NCAM2: variants seen among roughly 807,000 people sequenced by gnomAD.
The protein encoded by NCAM2 is neural cell adhesion molecule 2.
In NCAM2, 30 loss-of-function variants were observed where a neutral mutation model predicts 98.1. That is an observed-to-expected ratio of 0.31 (90% CI 0.23 to 0.41). The LOEUF (loss-of-function observed/expected upper bound fraction) is 0.41. Among genes scored for constraint, NCAM2 ranks in the 10% least tolerant of loss-of-function variants. The pLI is 1.00. For synonymous variants in NCAM2, 368 were observed against 342.4 expected (o/e 1.07, Z -0.83); for missense variants, 867 against 1,005.8 (o/e 0.86, Z 1.87).
chr21:21,156,222 A>AT (rs145763207), intron 1 of NCAM2, among the ~76,000 whole-genome samples: 9,307 of 152,096 alleles, frequency 0.061, 313 homozygotes, highest in Admixed American at 0.068. Flanking sequence ...AGAATGAAGC[A>AT]TTTTTTGTTT....
chr21:21,365,533 A>G (rs1271671199), intron 8 of NCAM2, among the ~76,000 whole-genome samples: 1 of 152,012 alleles, frequency 6.6e-6, no homozygotes, highest in Admixed American at 6.6e-5. Context: ...AAATCGTGGC[A>G]TATGCAAGGT....
rs544918814 is a variant in NCAM2, at chr21:21,420,504, C to T, written c.1480+1935C>T. On this transcript the variant is annotated intron_variant, in intron 11 of 17. Transcript: ENST00000400546. The stretch of plus-strand genomic sequence containing the variant: ...TATTGTAATATTATATTTTAACAGA[C>T]TTAAAAGCATCTGTAAAGAAATTTT... 2.9e-3 allele frequency among the ~76,000 whole-genome samples: 443 copies of T among 151,942 alleles called. 5 individuals carry two copies. The highest frequency in any genetic ancestry group is 0.01 in the African/African-American group (421 of 41,508).
rs552736386 is a variant in NCAM2, at chr21:21,316,823, C to T, written c.620-7560C>T. The stretch of plus-strand genomic sequence containing the variant: ...CCTCCCAAAGTGCTGGGATTACAGG[C>T]GTTAGCCACCGCGCCCGGCCATATT... On this transcript the variant is annotated intron_variant, in intron 5 of 17. Transcript: ENST00000400546. Among the ~76,000 whole-genome samples the T allele has an allele frequency of 3.3e-5, 5 of 152,184 alleles. No homozygotes were observed. In the South Asian group the frequency reaches 6.2e-4, roughly 19 times the overall value.
chr21:21,156,258 A>T (rs1776498129), intron 1 of NCAM2, among the ~76,000 whole-genome samples: 2 of 152,058 alleles, frequency 1.3e-5, no homozygotes, highest in Admixed American at 1.3e-4. Flanking sequence ...AACAAACAAA[A>T]ATAAAGTGAA....
At chr21:21,352,826 TA>T (rs377003114) in intron 8 of NCAM2, among the ~76,000 whole-genome samples, 39,675 of 135,002 alleles carry the variant, frequency 0.29, 5,560 homozygotes, top group Admixed American at 0.34. Flanking sequence ...ATTAGAAAAT[TA>T]AAAAAAAAAA....
intron 1 of NCAM2, among the ~76,000 whole-genome samples, chr21:21,264,131 C>CT (rs1263390003): frequency 6.6e-6 from 1 of 152,012 alleles, no homozygotes; most frequent in Non-Finnish European, 1.5e-5. Context: ...CTATAGGGAA[C>CT]TTAAACAAAT....
At chr21:21,049,091 T>G (rs926602359) in intron 1 of NCAM2, among the ~76,000 whole-genome samples, 21 of 143,020 alleles carry the variant, frequency 1.5e-4, no homozygotes, top group Non-Finnish European at 3.2e-4. Flanking sequence ...CAATCTCGGC[T>G]CACTGCAAGC....
intron 1 of NCAM2, among the ~76,000 whole-genome samples, chr21:21,156,150 A>G (rs1380628916): frequency 6.6e-6 from 1 of 152,066 alleles, no homozygotes; most frequent in African/African-American, 2.4e-5. Context: ...CAAGAATGTC[A>G]AAATAAAAGA....
intron 9 of NCAM2, among the ~76,000 whole-genome samples, chr21:21,396,466 A>C (rs2076509224): frequency 6.6e-6 from 1 of 152,250 alleles, no homozygotes; most frequent in East Asian, 1.9e-4. Flanking sequence ...CCAGCCAGAA[A>C]CTTCTGTGGC....
chr21:21,360,155 A>G (rs192076581), intron 8 of NCAM2, among the ~76,000 whole-genome samples: 37 of 152,078 alleles, frequency 2.4e-4, no homozygotes, highest in Non-Finnish European at 2.7e-4. Context: ...TGCTTTCACA[A>G]TAATTAATTA....
intron 9 of NCAM2, among the ~76,000 whole-genome samples, chr21:21,378,230 G>A (rs2076075608): frequency 6.6e-6 from 1 of 151,482 alleles, no homozygotes; most frequent in Non-Finnish European, 1.5e-5. Flanking sequence ...GAATTATAAG[G>A]TGGCTCTCAT....
chr21:21,338,700 C>T (rs536565911), intron 8 of NCAM2, among the ~76,000 whole-genome samples, 166 bp downstream of exon 8: 1 of 152,174 alleles, frequency 6.6e-6, no homozygotes, highest in East Asian at 1.9e-4. Flanking sequence ...TTACCACTTT[C>T]GTGGGAGGGG....
At chr21:21,420,705 C>T (rs1307124442) in intron 11 of NCAM2, among the ~76,000 whole-genome samples, 2 of 151,642 alleles carry the variant, frequency 1.3e-5, no homozygotes, top group South Asian at 4.2e-4. Flanking sequence ...CTTAGAGAAC[C>T]TGCTATTCTC....
intron 1 of NCAM2, among the ~76,000 whole-genome samples, chr21:21,024,265 A>G (rs566865681): frequency 1.2e-3 from 189 of 152,184 alleles, no homozygotes; most frequent in Non-Finnish European, 2.3e-3. Context: ...CACCTACAGG[A>G]TATCAGTTCC....
chr21:21,004,772 G>A (rs1027805905), intron 1 of NCAM2, among the ~76,000 whole-genome samples: 7 of 151,920 alleles, frequency 4.6e-5, no homozygotes, highest in African/African-American at 1.5e-4. Context: ...TTATTATTAC[G>A]ATTATCGTTC....
intron 1 of NCAM2, among the ~76,000 whole-genome samples, chr21:21,056,521 T>TGCGCGC (rs1555877350): frequency 2.7e-5 from 4 of 148,110 alleles, no homozygotes; most frequent in African/African-American, 7.6e-5. Flanking sequence ...TGTGTGTGTG[T>TGCGCGC]GTGCATGAGA....
intron 11 of NCAM2, among the ~76,000 whole-genome samples, chr21:21,423,581 T>C (rs2145981201): frequency 6.6e-6 from 1 of 152,276 alleles, no homozygotes; most frequent in Admixed American, 6.5e-5. Flanking sequence ...ATTTGACTTT[T>C]GTTATTTTTT....
At chr21:21,176,331 A>G (rs189412542) in intron 1 of NCAM2, among the ~76,000 whole-genome samples, 17 of 152,310 alleles carry the variant, frequency 1.1e-4, no homozygotes, top group Non-Finnish European at 2.2e-4. Context: ...TTCAGAAAAA[A>G]ACATAAATAC....
Position 21,418,511 on chromosome 21 carries a change from T to C in NCAM2, c.1422T>C (p.Asn474=), listed in dbSNP as rs986371. 2,093 of 1,612,536 alleles carry C rather than the reference T, an allele frequency of 1.3e-3. 24 individuals are homozygous for C. In the African/African-American group the frequency reaches 0.025, roughly 19 times the overall value. ...PTSDNDFGRY[N]CTATNHIGTR... is the part of the protein sequence containing the mutation. The stretch of plus-strand genomic sequence containing the variant: ...CTGACAATGACTTTGGACGCTATAA[T>C]TGCACAGCCACTAATCATATAGGAA... The change falls in exon 11 of 18, where the codon AAT becomes AAC. Residue 474 remains asparagine, a synonymous_variant. Coordinates refer to ENST00000400546, the MANE Select transcript of NCAM2 (RefSeq NM_004540.5).
Sources: allele counts gnomAD v4.1 joint callset (sites outside exome capture counted in the v4.1 genomes callset), GRCh38; gene constraint gnomAD v4.1.1; transcripts MANE v1.5; gene names NCBI Gene and HGNC (gene_info 2026-07-23, HGNC 2026-07-21).